Variants in REDIC1 observed in about 807,000 individuals in gnomAD.
The protein encoded by REDIC1 is regulator of DNA class I crossover intermediates 1.
the REDIC1 span, among the ~76,000 whole-genome samples, chr12:39,867,869 A>G: frequency 3.2e-4 from 49 of 152,158 alleles, no homozygotes; most frequent in Admixed American, 3.2e-3. Context: ...GCTTTCCACA[A>G]GTGGTTATGA....
the REDIC1 span, among the ~76,000 whole-genome samples, chr12:39,640,323 A>G: frequency 2.0e-5 from 3 of 151,952 alleles, no homozygotes; most frequent in African/African-American, 7.2e-5. Context: ...TTCACCAGAT[A>G]TCAAATCTGT....
chr12:39,655,274 G>T, the REDIC1 span, among the ~76,000 whole-genome samples: 1 of 151,808 alleles, frequency 6.6e-6, no homozygotes, highest in Non-Finnish European at 1.5e-5. Context: ...TTGGATTTAG[G>T]TTGCCCGTCT....
chr12:39,723,185 G>A, the REDIC1 span, among the ~76,000 whole-genome samples: 24 of 152,074 alleles, frequency 1.6e-4, no homozygotes, highest in South Asian at 4.1e-4. Context: ...GACTCTGTCC[G>A]ATGTGTTTCT....
At chr12:39,752,537 T>G in the REDIC1 span, among the ~76,000 whole-genome samples, 2 of 152,088 alleles carry the variant, frequency 1.3e-5, no homozygotes, top group Non-Finnish European at 2.9e-5. Flanking sequence ...AGAAAAGTAA[T>G]AGTCTTCAAA....
At chr12:39,674,579 A>AC in the REDIC1 span, among the ~76,000 whole-genome samples, 1 of 152,122 alleles carries the variant, frequency 6.6e-6, no homozygotes, top group Non-Finnish European at 1.5e-5. Context: ...CCAAAGTGTG[A>AC]GGGGGGGATA....
chr12:39,727,447 G>A, the REDIC1 span, among the ~76,000 whole-genome samples: 1 of 152,144 alleles, frequency 6.6e-6, no homozygotes, highest in African/African-American at 2.4e-5. Context: ...GTTTGTCAAA[G>A]ATCAAATGGT....
chr12:39,798,084 G>T, the REDIC1 span, among the ~76,000 whole-genome samples: 1 of 152,134 alleles, frequency 6.6e-6, no homozygotes, highest in Non-Finnish European at 1.5e-5. Flanking sequence ...ATTCACTTTG[G>T]AGGAAGCTAG....
At chr12:39,656,285 G>A in the REDIC1 span, among the ~76,000 whole-genome samples, 6 of 152,130 alleles carry the variant, frequency 3.9e-5, no homozygotes, top group Non-Finnish European at 8.8e-5. Context: ...GCATAACAAT[G>A]TTTCAGTCAA....
chr12:39,670,130 T>A, the REDIC1 span, among the ~76,000 whole-genome samples: 1 of 152,170 alleles, frequency 6.6e-6, no homozygotes, highest in African/African-American at 2.4e-5. Flanking sequence ...TCACCTGTCT[T>A]CTGTGTAGCT....
At chr12:39,707,305 T>G in the REDIC1 span, among the ~76,000 whole-genome samples, 1 of 151,910 alleles carries the variant, frequency 6.6e-6, no homozygotes, top group South Asian at 2.1e-4. Flanking sequence ...AAAAGTACAA[T>G]TGGATATGAT....
At chr12:39,705,869 G>T in the REDIC1 span, among the ~76,000 whole-genome samples, 1 of 151,978 alleles carries the variant, frequency 6.6e-6, no homozygotes, top group Non-Finnish European at 1.5e-5. Context: ...TAATGGGGAA[G>T]AACTGAAAGG....
the REDIC1 span, among the ~76,000 whole-genome samples, chr12:39,822,821 T>C: frequency 6.6e-6 from 1 of 152,248 alleles, no homozygotes; most frequent in Non-Finnish European, 1.5e-5. Flanking sequence ...TAGTTAAATA[T>C]ATTATGAATA....
chr12:39,677,287 G>T, the REDIC1 span, among the ~76,000 whole-genome samples: 1 of 152,028 alleles, frequency 6.6e-6, no homozygotes, highest in Non-Finnish European at 1.5e-5. Context: ...GCGAGCAGGC[G>T]TAGCTATTCT....
the REDIC1 span, among the ~76,000 whole-genome samples, chr12:39,739,939 C>T: frequency 5.9e-5 from 9 of 152,156 alleles, no homozygotes; most frequent in African/African-American, 1.2e-4. Context: ...TCAGCTTACA[C>T]GAATAAGCTT....
the REDIC1 span, among the ~76,000 whole-genome samples, chr12:39,722,077 G>A: frequency 6.6e-6 from 1 of 152,098 alleles, no homozygotes; most frequent in South Asian, 2.1e-4. Context: ...ACACAGCAGA[G>A]GGCATTCTAG....
chr12:39,737,036 G>A, the REDIC1 span: 1 of 152,180 alleles, frequency 6.6e-6, no homozygotes, highest in African/African-American at 2.4e-5. Flanking sequence ...ACCTTTAACT[G>A]TCTTATTCTC....
the REDIC1 span, among the ~76,000 whole-genome samples, chr12:39,728,298 T>C: frequency 2.6e-5 from 4 of 152,196 alleles, no homozygotes; most frequent in Non-Finnish European, 4.4e-5. Context: ...ATAGCTCTTA[T>C]TATTTTGAGA....
the REDIC1 span, among the ~76,000 whole-genome samples, chr12:39,767,068 C>A: frequency 6.6e-6 from 1 of 152,072 alleles, no homozygotes; most frequent in Admixed American, 6.6e-5. Context: ...AGAAGATTTT[C>A]ACTTTACTTG....
At chr12:39,891,666 T>C in the REDIC1 span, among the ~76,000 whole-genome samples, 1 of 152,164 alleles carries the variant, frequency 6.6e-6, no homozygotes, top group Non-Finnish European at 1.5e-5. Flanking sequence ...TGTATTACTA[T>C]TGCAATTTTA....
Sources: gnomAD v4.1 joint callset for allele counts (sites outside exome capture counted in the v4.1 genomes callset) on GRCh38, gnomAD v4.1.1 for gene constraint, MANE v1.5 for transcripts, NCBI Gene and HGNC (gene_info 2026-07-23, HGNC 2026-07-21) for gene names.